Variants in TMEFF2 observed in about 807,000 individuals in gnomAD.
TMEFF2 encodes transmembrane protein with EGF like and two follistatin like domains 2.
Under a neutral mutation model 53.8 loss-of-function variants are expected in TMEFF2, and 28 were observed. The observed-to-expected ratio is 0.52, with a 90% CI of 0.39 to 0.71. The LOEUF (loss-of-function observed/expected upper bound fraction) is 0.71. TMEFF2 is among the 30% of genes least tolerant of loss of function. TMEFF2 has a pLI of 0.00. For synonymous variants in TMEFF2, 162 were observed against 166.3 expected, an observed-to-expected ratio of 0.97 and a Z score of 0.20; for missense variants, 353 against 455.2, an observed-to-expected ratio of 0.78 and a Z score of 2.04.
intron 5 of TMEFF2, among the ~76,000 whole-genome samples, chr2:192,050,948 A>AT (rs1477635732): frequency 1.3e-5 from 2 of 152,282 alleles, no homozygotes; most frequent in East Asian, 3.9e-4. Flanking sequence ...CAGGAGCTGT[A>AT]TGTGCACTCC....
intron 4 of TMEFF2, among the ~76,000 whole-genome samples, chr2:192,119,440 A>T (rs1446863081): frequency 6.6e-6 from 1 of 152,196 alleles, no homozygotes. Flanking sequence ...ATTCATGAGC[A>T]TATGATTTTA....
At chr2:192,020,921 CA>C (rs1686845020) in intron 5 of TMEFF2, among the ~76,000 whole-genome samples, 1 of 152,096 alleles carries the variant, frequency 6.6e-6, no homozygotes, top group South Asian at 2.1e-4. Context: ...ACTTTAAGGG[CA>C]AAATACATTT....
intron 4 of TMEFF2, among the ~76,000 whole-genome samples, chr2:192,170,239 C>T (rs948508229): frequency 2.0e-5 from 3 of 151,986 alleles, no homozygotes; most frequent in Non-Finnish European, 2.9e-5. Flanking sequence ...AACGAGTTGC[C>T]ACCACTACCA....
intron 4 of TMEFF2, among the ~76,000 whole-genome samples, chr2:192,063,764 T>C (rs1688104307): frequency 6.6e-6 from 1 of 151,874 alleles, no homozygotes; most frequent in Admixed American, 6.6e-5. Flanking sequence ...AGTAGTCTTA[T>C]GTCTTCTTGA....
Position 192,176,022 on chromosome 2 carries a change from G to A in TMEFF2, c.439+3646C>T, listed in dbSNP as rs111441202. On this transcript the variant is annotated intron_variant, in intron 4 of 9. Coordinates refer to ENST00000272771, the MANE Select transcript of TMEFF2 (RefSeq NM_016192.4). ...CACACACCTCTGAATTTTGAGAGGA[G>A]GCACCTTTAATACTTTTTCTTCCTG... Among the ~76,000 whole-genome samples, 144 of 151,348 alleles carry A rather than the reference G, an allele frequency of 9.5e-4. 1 individual carries two copies. Among genetic ancestry groups the A allele is most frequent in the Non-Finnish European group, 9.0e-4 (61 of 67,554 alleles).
chr2:191,994,149 A>G (rs1442920592), intron 7 of TMEFF2, among the ~76,000 whole-genome samples: 1 of 152,030 alleles, frequency 6.6e-6, no homozygotes. Context: ...GGCTAAATAC[A>G]GTAACTGTAA....
intron 7 of TMEFF2, among the ~76,000 whole-genome samples, chr2:191,984,756 A>G (rs1032975053): frequency 6.6e-6 from 1 of 152,176 alleles, no homozygotes; most frequent in Non-Finnish European, 1.5e-5. Flanking sequence ...CATTGTAATA[A>G]TATGAACAGT....
intron 5 of TMEFF2, among the ~76,000 whole-genome samples, chr2:192,027,022 A>G (rs1379583864): frequency 6.6e-6 from 1 of 152,220 alleles, no homozygotes; most frequent in Non-Finnish European, 1.5e-5. Context: ...TGTCCCTTGT[A>G]TCATTAATTT....
At chr2:192,015,364 G>A (rs1303333025) in intron 5 of TMEFF2, among the ~76,000 whole-genome samples, 1 of 126,396 alleles carries the variant, frequency 7.9e-6, no homozygotes, top group Non-Finnish European at 1.6e-5. Flanking sequence ...ATGTATACAG[G>A]GTTTTAGATG....
chr2:192,117,975 T>G (rs566947232), intron 4 of TMEFF2, among the ~76,000 whole-genome samples: 82 of 149,060 alleles, frequency 5.5e-4, no homozygotes, highest in Non-Finnish European at 1.0e-3. Context: ...TTTCTTTCAT[T>G]GCTTTGTTTG....
chr2:192,095,358 G>A (rs1688879214), intron 4 of TMEFF2, among the ~76,000 whole-genome samples: 1 of 152,066 alleles, frequency 6.6e-6, no homozygotes, highest in Non-Finnish European at 1.5e-5. Context: ...AGTTATGTTG[G>A]CTCATGTCTG....
chr2:192,017,491 C>T (rs891088939), intron 5 of TMEFF2, among the ~76,000 whole-genome samples: 12 of 152,154 alleles, frequency 7.9e-5, no homozygotes, highest in African/African-American at 2.4e-4. Flanking sequence ...GATTAACTAT[C>T]TCATTATGCC....
intron 4 of TMEFF2, among the ~76,000 whole-genome samples, chr2:192,131,739 T>C (rs917051186): frequency 6.6e-6 from 1 of 152,152 alleles, no homozygotes; most frequent in Non-Finnish European, 1.5e-5. Context: ...TTAGCCTGTA[T>C]TCTTAAGAAC....
At chr2:192,169,616 C>A (rs2356953) in intron 4 of TMEFF2, among the ~76,000 whole-genome samples, 2 of 151,966 alleles carry the variant, frequency 1.3e-5, no homozygotes, top group African/African-American at 4.8e-5. Flanking sequence ...AAATATTTTA[C>A]GTAGGCAAGT....
intron 5 of TMEFF2, among the ~76,000 whole-genome samples, chr2:192,053,857 A>G (rs1463416233): frequency 6.6e-6 from 1 of 152,026 alleles, no homozygotes; most frequent in Non-Finnish European, 1.5e-5. Context: ...TGTGTCCTTC[A>G]GCTGTTTCCA....
chr2:192,086,309 C>T (rs1164303826), intron 4 of TMEFF2, among the ~76,000 whole-genome samples: 2 of 152,090 alleles, frequency 1.3e-5, no homozygotes, highest in African/African-American at 4.8e-5. Context: ...TTTTCCTCCA[C>T]AAATAATATG....
At chr2:192,154,567 T>A (rs1278444729) in intron 4 of TMEFF2, among the ~76,000 whole-genome samples, 1 of 152,010 alleles carries the variant, frequency 6.6e-6, no homozygotes, top group Non-Finnish European at 1.5e-5. Context: ...CCTTAATGAA[T>A]TTTATCACTT....
chr2:192,063,589 CA>C (rs1688098866), intron 4 of TMEFF2, among the ~76,000 whole-genome samples: 1 of 151,684 alleles, frequency 6.6e-6, no homozygotes, highest in African/African-American at 2.4e-5. Context: ...TAGTGTTGTT[CA>C]AATCATCCAT....
At chr2:192,193,798 A>AGAGAGGGAGG (rs1553534711) in intron 1 of TMEFF2, among the ~76,000 whole-genome samples, 19 of 139,834 alleles carry the variant, frequency 1.4e-4, no homozygotes, top group African/African-American at 5.3e-4. Context: ...AGAGAGAGAG[A>AGAGAGGGAGG]GAGAGAGAGA....
Sources: gnomAD v4.1 joint callset for allele counts (sites outside exome capture counted in the v4.1 genomes callset) on GRCh38, gnomAD v4.1.1 for gene constraint, MANE v1.5 for transcripts, NCBI Gene and HGNC (gene_info 2026-07-23, HGNC 2026-07-21) for gene names.